Variants in CEP120 observed in about 807,000 individuals in gnomAD.
CEP120 encodes the protein centrosomal protein of 120 kDa.
A neutral mutation model predicts 126.5 loss-of-function variants in CEP120; 113 were observed. That is an observed-to-expected ratio of 0.89 (90% CI 0.77 to 1.04). The LOEUF (loss-of-function observed/expected upper bound fraction) is 1.04. Ranked by LOEUF, CEP120 falls within the 50% of genes least tolerant of loss-of-function variation. The pLI is 0.00. For synonymous variants in CEP120, 400 were observed against 394.3 expected (o/e 1.01, Z -0.17); for missense variants, 1,230 against 1,155.7 (o/e 1.06, Z -0.93).
intron 18 of CEP120, among the ~76,000 whole-genome samples, chr5:123,357,501 C>T (rs1298212419): frequency 6.6e-6 from 1 of 152,042 alleles, no homozygotes; most frequent in East Asian, 1.9e-4. Flanking sequence ...GTCTGATATT[C>T]CAAAATCTGA....
At chr5:123,414,927 G>A (rs992789521) in intron 3 of CEP120, among the ~76,000 whole-genome samples, 1 of 130,188 alleles carries the variant, frequency 7.7e-6, no homozygotes, top group Non-Finnish European at 1.5e-5. Flanking sequence ...AGCCGAGATC[G>A]TGCCACTACA....
intron 18 of CEP120, among the ~76,000 whole-genome samples, chr5:123,352,820 T>G (rs980724544): frequency 5.3e-5 from 8 of 152,040 alleles, no homozygotes; most frequent in Admixed American, 3.9e-4. Context: ...GTTTACCTAA[T>G]TATGTAGGTC....
chr5:123,357,904 A>G (rs574321817), intron 18 of CEP120, among the ~76,000 whole-genome samples: 5 of 152,178 alleles, frequency 3.3e-5, no homozygotes, highest in African/African-American at 7.2e-5. Context: ...TGTGAAGGAC[A>G]AGAACAATTA....
In CEP120 at chr5:123,371,482, G is replaced by A. The variant is rs543937965; in HGVS notation, c.2481+1168C>T. ...CCCCATGTTTCAATTATCTCCCACC[G>A]GGTCCCTCCCACAACATCTGGGAAT... On this transcript the variant is annotated intron_variant, in intron 17 of 19. Coordinates refer to ENST00000306467, the MANE Select transcript of CEP120 (RefSeq NM_001375405.1). 3.2e-4 allele frequency among the ~76,000 whole-genome samples: 48 copies of A among 151,966 alleles called. No homozygotes were observed. In the South Asian group the frequency reaches 3.5e-3, roughly 11 times the overall value.
intron 4 of CEP120, among the ~76,000 whole-genome samples, chr5:123,410,490 T>C (rs1001129556): frequency 6.6e-6 from 1 of 152,018 alleles, no homozygotes; most frequent in African/African-American, 2.4e-5. Context: ...AATAGACAAA[T>C]AGATCAATGG....
At chr5:123,423,838 C>T (rs921682311), upstream of CEP120, among the ~76,000 whole-genome samples, 11 of 152,112 alleles carry the variant, frequency 7.2e-5, no homozygotes, top group African/African-American at 2.7e-4. Flanking sequence ...CCTTTGAAAA[C>T]AAGTAGCTTC....
At chr5:123,378,456 AAAG>A in intron 14 of CEP120, 28 bp from the exon 15 acceptor site, 1 of 1,285,702 alleles carries the variant, frequency 7.8e-7, no homozygotes, top group Non-Finnish European at 1.1e-6. Context: ...AAAAAAAAAA[AAAG>A]TTACCTACCT....
In CEP120 at chr5:123,388,543, G is replaced by A; in HGVS notation, c.1319C>T (p.Ala440Val). The change falls in exon 9 of 20, where the codon GCT (alanine) becomes GTT (valine). Residue 440 changes from alanine to valine, a missense_variant. Coordinates refer to ENST00000306467, the MANE Select transcript of CEP120 (RefSeq NM_001375405.1). ...TGGTACAGCAATCTTCTGTCCTGAA[G>A]CTACTTCTGAAGCATTGGATGTAGT... ...LVTTSNASEV[A>V]SGQKIAVPAT... 1 of 1,611,368 alleles carries A rather than the reference G, an allele frequency of 6.2e-7. No homozygotes were observed.
At chr5:123,394,572 C>A (rs190585037) in intron 5 of CEP120, among the ~76,000 whole-genome samples, 2 of 152,262 alleles carry the variant, frequency 1.3e-5, no homozygotes, top group African/African-American at 4.8e-5. Flanking sequence ...CAGTCCGCAG[C>A]CTGAGGGTTG....
In CEP120 at chr5:123,351,131, A is replaced by G. The variant is rs147187772; in HGVS notation, c.2581-1042T>C. ...ATTTTGATATACTTTCACAAAGTAGACCACTCACATACCCACCATCCAGAT... is the reference window on the plus strand; with the variant it reads ...ATTTTGATATACTTTCACAAAGTAGGCCACTCACATACCCACCATCCAGAT... On this transcript the variant is annotated intron_variant, in intron 18 of 19. Coordinates refer to ENST00000306467, the MANE Select transcript of CEP120 (RefSeq NM_001375405.1). 1.9e-4 allele frequency among the ~76,000 whole-genome samples: 29 copies of G among 152,312 alleles called. No individual in the cohort carries two copies. The East Asian group carries it at 5.6e-3, about 29-fold the overall frequency.
intron 4 of CEP120, among the ~76,000 whole-genome samples, chr5:123,404,636 T>G (rs1773524240): frequency 6.6e-6 from 1 of 152,234 alleles, no homozygotes; most frequent in Admixed American, 6.5e-5. Context: ...TACTGAATTA[T>G]AATATCTTCT....
intron 1 of CEP120, chr5:123,422,424 TCAATGAGTCC>T: frequency 8.2e-7 from 1 of 1,222,240 alleles, no homozygotes; most frequent in East Asian, 2.5e-5. Flanking sequence ...TGTCTGACAC[TCAATGAGTCC>T]CAATAAACCA....
chr5:123,399,884 T>C (rs1773060373), intron 4 of CEP120, among the ~76,000 whole-genome samples: 1 of 152,182 alleles, frequency 6.6e-6, no homozygotes, highest in Non-Finnish European at 1.5e-5. Context: ...AGAAGAAAAC[T>C]GACATAATCA....
At chr5:123,386,977 T>C (rs1772074989) in intron 9 of CEP120, among the ~76,000 whole-genome samples, 1 of 152,134 alleles carries the variant, frequency 6.6e-6, no homozygotes, top group South Asian at 2.1e-4. Context: ...TGATTTTTTA[T>C]GGGATAAAAA....
chr5:123,346,711 C>T lies in CEP120; in HGVS notation c.2769G>A (p.Glu923=), dbSNP rs1411996197. 2.5e-6 allele frequency: 4 copies of T among 1,612,990 alleles called. No individual in the cohort carries two copies. The highest frequency in any genetic ancestry group is 3.4e-6 in the Non-Finnish European group (4 of 1,179,754). Residue 923 remains glutamate, a synonymous_variant, in exon 20 of 20, where the codon GAG becomes GAA. Transcript: ENST00000306467. ...GGCCATCCTTTTTTCCACTTGCAATCTCTGTGGAATCCTGGTATTGTTTTT... is the reference window on the plus strand; with the variant it reads ...GGCCATCCTTTTTTCCACTTGCAATTTCTGTGGAATCCTGGTATTGTTTTT... ...QEQKQYQDST[E]IASGKKDGPH... is the part of the protein sequence containing the mutation.
chr5:123,377,571 T>A, intron 15 of CEP120, 36 bp from the exon 16 acceptor site: 1 of 1,522,620 alleles, frequency 6.6e-7, no homozygotes, highest in Non-Finnish European at 8.8e-7. Flanking sequence ...GTTGGTTTAT[T>A]GCTAGCTGCA....
At chr5:123,418,002 T>A (rs1273999693) in intron 2 of CEP120, among the ~76,000 whole-genome samples, 2 of 152,194 alleles carry the variant, frequency 1.3e-5, no homozygotes, top group Non-Finnish European at 2.9e-5. Context: ...TAATGACAGA[T>A]ACAAAATTTA....
In CEP120 at chr5:123,414,971, CAAAAAAAAAAAAAAAAAA is replaced by C. The variant is rs56756568; in HGVS notation, c.321+1021_321+1038del. Reference sequence around the variant, plus strand: ...TGGGCAACAGAGCAAGACTCCATCTCAAAAAAAAAAAAAAAAAAAAAAAAAAAAAAAGCCCTAAGCAGC... The same window carrying C: ...TGGGCAACAGAGCAAGACTCCATCTCAAAAAAAAAAAAAGCCCTAAGCAGC... On this transcript the variant is annotated intron_variant, in intron 3 of 19. Coordinates refer to ENST00000306467, the MANE Select transcript of CEP120 (RefSeq NM_001375405.1). 1.2e-4 allele frequency among the ~76,000 whole-genome samples: 5 copies of C among 40,636 alleles called. 1 individual carries two copies. Among genetic ancestry groups the C allele is most frequent in the African/African-American group, 5.8e-4 (5 of 8,636 alleles). The allele number at this position is 40,636 out of a possible 152,430, so 26.7% of individuals were successfully genotyped here. A position where few individuals can be genotyped will look rare whatever the true frequency, so the allele number is the denominator to read the frequency against.
At position 123,390,126 on chromosome 5, in the gene CEP120, T is replaced by C. The variant is rs944766298; in HGVS notation, c.1053A>G (p.Leu351=). 1 of 1,607,356 alleles carries C rather than the reference T, an allele frequency of 6.2e-7. No individual in the cohort carries two copies. Among genetic ancestry groups the C allele is most frequent in the Non-Finnish European group, 8.5e-7 (1 of 1,176,496 alleles). The part of the protein sequence containing the change: ...EGIDSQSLIE[L]KTQNEHEPEH... ...CTGGCTCATGTTCATTCTGGGTCTTTAATTCAATTAAAGACTAAAAACAAT... is the reference window on the plus strand; with the variant it reads ...CTGGCTCATGTTCATTCTGGGTCTTCAATTCAATTAAAGACTAAAAACAAT... The change falls in exon 8 of 20, where the codon TTA becomes TTG. Residue 351 remains leucine (L), a synonymous_variant. Coordinates refer to ENST00000306467, the MANE Select transcript of CEP120 (RefSeq NM_001375405.1).
Sources: allele counts gnomAD v4.1 joint callset (sites outside exome capture counted in the v4.1 genomes callset), GRCh38; gene constraint gnomAD v4.1.1; transcripts MANE v1.5; gene names NCBI Gene and HGNC (gene_info 2026-07-23, HGNC 2026-07-21).